Variants in SPDYA observed in about 807,000 individuals in gnomAD.
SPDYA encodes the protein speedy protein A.
In SPDYA, 11 loss-of-function variants were observed where a neutral mutation model predicts 36.7. The observed-to-expected ratio is 0.30, with a 90% confidence interval of 0.19 to 0.50. The LOEUF (loss-of-function observed/expected upper bound fraction) is 0.50, where lower values mean the gene tolerates loss of function less well. Among genes scored for constraint, SPDYA ranks in the 20% least tolerant of loss-of-function variants. The probability of loss-of-function intolerance (pLI) is 0.98; values close to 1 mark genes in which losing one functional copy is unlikely to be tolerated. For synonymous variants in SPDYA, 115 were observed against 118.7 expected (o/e 0.97, Z 0.20); for missense variants, 287 against 370.9 (o/e 0.77, Z 1.86).
intron 5 of SPDYA, among the ~76,000 whole-genome samples, chr2:28,823,746 A>ATATATATAT (rs1558324099): frequency 4.9e-4 from 15 of 30,708 alleles, no homozygotes; most frequent in South Asian, 1.3e-3. Flanking sequence ...TATATATATA[A>ATATATATAT]AATTTTTTTT....
At chr2:28,828,661 GA>G (rs1668396405) in intron 5 of SPDYA, among the ~76,000 whole-genome samples, 2 of 152,198 alleles carry the variant, frequency 1.3e-5, no homozygotes, top group South Asian at 4.1e-4. Flanking sequence ...ATGTGTATAA[GA>G]AAATTACCTG....
At chr2:28,823,741 A>ATG (rs1668236591) in intron 5 of SPDYA, among the ~76,000 whole-genome samples, 1 of 54,102 alleles carries the variant, frequency 1.8e-5, no homozygotes, top group Admixed American at 2.0e-4. Context: ...ATATATATAT[A>ATG]TATAAAATTT....
Position 28,823,785 on chromosome 2 carries a change from A to G in SPDYA, c.380+1375A>G, listed in dbSNP as rs867127604. On this transcript the variant is annotated intron_variant, in intron 5 of 7. Transcript: ENST00000334056. ...TTTTGAGATGGAGTCTCACTCTGTC[A>G]CCCAGGCTGGAGTGCAGTGGCGTGA... 1.8e-3 allele frequency among the ~76,000 whole-genome samples: 197 copies of G among 112,430 alleles called. 1 individual carries two copies. Among genetic ancestry groups the G allele is most frequent in the Non-Finnish European group, 2.3e-3 (130 of 56,604 alleles). The allele number at this position is 112,430 out of a possible 152,430, so 73.8% of individuals were successfully genotyped here.
At chr2:28,835,229 T>C (rs1668566289) in intron 6 of SPDYA, among the ~76,000 whole-genome samples, 1 of 150,380 alleles carries the variant, frequency 6.6e-6, no homozygotes. Context: ...GCCTGACCTT[T>C]TTTTTTTTTT....
Position 28,829,211 on chromosome 2 carries a change from T to A in SPDYA, c.444T>A (p.Ala148=). 1 of 1,614,078 alleles carries A rather than the reference T, an allele frequency of 6.2e-7. No homozygotes were observed. Among genetic ancestry groups the A allele is most frequent in the Non-Finnish European group, 8.5e-7 (1 of 1,179,968 alleles). ...EETKYEIFPW[A]LGKNWRKLFP... is the part of the protein sequence containing the mutation. ...CCAAGTACGAAATTTTTCCATGGGC[T>A]TTAGGGAAAAACTGGAGAAAATTGT... Residue 148 remains alanine, a synonymous_variant, in exon 6 of 8, where the codon GCT becomes GCA. Coordinates refer to ENST00000334056, the MANE Select transcript of SPDYA (RefSeq NM_182756.4).
chr2:28,842,648 T>C (rs1320029189), intron 7 of SPDYA, among the ~76,000 whole-genome samples: 1 of 152,144 alleles, frequency 6.6e-6, no homozygotes, highest in Non-Finnish European at 1.5e-5. Context: ...CCATAGCCAT[T>C]TTATTCTGAG....
intron 6 of SPDYA, among the ~76,000 whole-genome samples, chr2:28,838,680 A>T (rs1668673123): frequency 6.6e-6 from 1 of 152,172 alleles, no homozygotes; most frequent in Admixed American, 6.5e-5. Context: ...TTGCAAAAAT[A>T]ACAGTTTTTG....
Position 28,829,417 on chromosome 2 carries a change from G to GGT in SPDYA, c.552+98_552+99insGT. ...TGCTTCTAATGTTTTGGTATTCTGG[G>GGT]TTTTTTTTTTTTTTCTAATATGTGG... is the stretch of plus-strand genomic sequence containing the variant. On this transcript the variant is annotated intron_variant, in intron 6 of 7. Transcript: ENST00000334056. The GGT allele has an allele frequency of 5.8e-6, 5 of 855,408 alleles. No individual in the cohort carries two copies. In the South Asian group the frequency reaches 7.9e-5, roughly 14 times the overall value. The allele number at this position is 855,408 out of a possible 1,614,324, so 53.0% of individuals were successfully genotyped here.
At chr2:28,835,577 A>G (rs984608773) in intron 6 of SPDYA, among the ~76,000 whole-genome samples, 1 of 152,200 alleles carries the variant, frequency 6.6e-6, no homozygotes, top group African/African-American at 2.4e-5. Context: ...AGTGCCTGGC[A>G]CATAGTGGGT....
chr2:28,815,522 A>AG lies in SPDYA; in HGVS notation c.-18-468dup, dbSNP rs377249892. Among the ~76,000 whole-genome samples, 18 of 151,870 alleles carry AG rather than the reference A, an allele frequency of 1.2e-4. 1 individual carries two copies. Among genetic ancestry groups the AG allele is most frequent in the African/African-American group, 3.1e-4 (13 of 41,438 alleles). On this transcript the variant is annotated intron_variant, in intron 2 of 7. Transcript: ENST00000334056. ...ATAAAGAGATATGGGGTTTTGTGGG[A>AG]GGGGGGGTGCTTTGTAATTTAATAC...
chr2:28,812,970 T>C (rs1667889678), intron 1 of SPDYA, among the ~76,000 whole-genome samples: 1 of 152,168 alleles, frequency 6.6e-6, no homozygotes, highest in African/African-American at 2.4e-5. Flanking sequence ...TATTTTTAAT[T>C]TGGTTTTCGT....
At chr2:28,837,214 G>A (rs1387029312) in intron 6 of SPDYA, among the ~76,000 whole-genome samples, 1 of 152,170 alleles carries the variant, frequency 6.6e-6, no homozygotes, top group Non-Finnish European at 1.5e-5. Flanking sequence ...AAAATTGATA[G>A]CAGTGCTGAA....
intron 7 of SPDYA, among the ~76,000 whole-genome samples, chr2:28,844,846 T>C (rs961934885): frequency 1.3e-5 from 2 of 151,922 alleles, no homozygotes; most frequent in Non-Finnish European, 1.5e-5. Flanking sequence ...GACAGGAGAA[T>C]TGCTTGAACC....
intron 6 of SPDYA, among the ~76,000 whole-genome samples, chr2:28,831,853 A>T (rs1322963586): frequency 1.3e-5 from 2 of 152,174 alleles, no homozygotes; most frequent in Non-Finnish European, 2.9e-5. Context: ...ACTGTGAAAG[A>T]ACGATCTTTG....
In SPDYA at chr2:28,811,729, G is replaced by A. The variant is rs886166582; in HGVS notation, c.-93+782G>A. On this transcript the variant is annotated intron_variant, in intron 1 of 7. Coordinates refer to ENST00000334056, the MANE Select transcript of SPDYA (RefSeq NM_182756.4). The surrounding 1 kb of genome is among the most constrained non-coding windows in gnomAD (Gnocchi z 4.2). Reference sequence around the variant, plus strand: ...CCCAGCTACTTGGGAGGCTGAGGCGGGAGAATCGCTTGAACCCTGGAAGCG... The same window carrying A: ...CCCAGCTACTTGGGAGGCTGAGGCGAGAGAATCGCTTGAACCCTGGAAGCG... Among the ~76,000 whole-genome samples the A allele has an allele frequency of 3.3e-5, 5 of 152,110 alleles. No individual in the cohort carries two copies. The highest frequency in any genetic ancestry group is 1.2e-4 in the African/African-American group (5 of 41,370).
At chr2:28,848,947 A>C (rs371638233) in intron 7 of SPDYA, among the ~76,000 whole-genome samples, 5 of 152,092 alleles carry the variant, frequency 3.3e-5, no homozygotes, top group African/African-American at 9.6e-5. Context: ...TGGGAAGCTG[A>C]GGTGGGAGGC....
At chr2:28,824,155 A>G (rs1324409650) in intron 5 of SPDYA, among the ~76,000 whole-genome samples, 1 of 152,146 alleles carries the variant, frequency 6.6e-6, no homozygotes, top group Non-Finnish European at 1.5e-5. Flanking sequence ...CTCAAAGTGT[A>G]TTTAATTCAG....
chr2:28,845,729 G>A (rs1668855398), intron 7 of SPDYA, among the ~76,000 whole-genome samples: 1 of 151,950 alleles, frequency 6.6e-6, no homozygotes, highest in Non-Finnish European at 1.5e-5. Context: ...ATTTTTAGTA[G>A]AGACAGGGTT....
intron 6 of SPDYA, among the ~76,000 whole-genome samples, chr2:28,831,316 CCA>C (rs1369838981): frequency 6.6e-6 from 1 of 152,158 alleles, no homozygotes; most frequent in Non-Finnish European, 1.5e-5. Context: ...CATGATTATG[CCA>C]CTGCCCTCCA....
Sources: gnomAD v4.1 joint callset for allele counts (sites outside exome capture counted in the v4.1 genomes callset) on GRCh38, gnomAD v4.1.1 for gene constraint, Gnocchi (gnomAD v3.1) non-coding constraint, MANE v1.5 for transcripts, NCBI Gene and HGNC (gene_info 2026-07-23, HGNC 2026-07-21) for gene names.